The following CCSER2 variants were observed in gnomAD, a reference collection of about 807,000 sequenced individuals.
CCSER2 encodes coiled-coil serine rich protein 2.
A neutral mutation model predicts 92.3 loss-of-function variants in CCSER2; 46 were observed. The ratio of observed to expected loss-of-function variants is 0.50; its 90% CI spans 0.39 to 0.64. The LOEUF is 0.64. CCSER2 is among the 30% of genes least tolerant of loss of function. The pLI, the probability that CCSER2 is intolerant of heterozygous loss-of-function variation, is 0.00. For missense variants in CCSER2, 1,244 were observed against 1,238.9 expected, an observed-to-expected ratio of 1.00 and a Z score of -0.06; for synonymous variants, 433 against 431.4, an observed-to-expected ratio of 1.00 and a Z score of -0.04.
intron 3 of CCSER2, among the ~76,000 whole-genome samples, chr10:84,406,906 TCTC>T (rs1842406962): frequency 6.6e-6 from 1 of 152,152 alleles, no homozygotes; most frequent in Non-Finnish European, 1.5e-5. Flanking sequence ...AATTTTTTTT[TCTC>T]CTATTACCTG....
intron 3 of CCSER2, among the ~76,000 whole-genome samples, chr10:84,382,868 T>TA (rs1840990274): frequency 6.6e-6 from 1 of 152,248 alleles, no homozygotes; most frequent in Non-Finnish European, 1.5e-5. Flanking sequence ...TCCAAAAACT[T>TA]ACTTGTATGC....
At chr10:84,424,180 ATTACT>A (rs1250896674) in intron 4 of CCSER2, among the ~76,000 whole-genome samples, 4 of 151,666 alleles carry the variant, frequency 2.6e-5, no homozygotes, top group Non-Finnish European at 5.9e-5. Flanking sequence ...TCTCGAGATG[ATTACT>A]TTAAATTTTC....
At chr10:84,387,771 G>T (rs182043164) in intron 3 of CCSER2, among the ~76,000 whole-genome samples, 2 of 152,042 alleles carry the variant, frequency 1.3e-5, no homozygotes, top group Non-Finnish European at 2.9e-5. Context: ...TTCGTGATCC[G>T]CCCACCTCGG....
At chr10:84,455,805 C>A (rs1013002612) in intron 6 of CCSER2, 9 of 1,031,876 alleles carry the variant, frequency 8.7e-6, no homozygotes, top group Non-Finnish European at 1.4e-5. Flanking sequence ...ACAGACTTAT[C>A]TGACTGATCC....
intron 4 of CCSER2, among the ~76,000 whole-genome samples, chr10:84,422,899 G>GA (rs1389675782): frequency 1.3e-5 from 2 of 151,918 alleles, no homozygotes; most frequent in Non-Finnish European, 2.9e-5. Flanking sequence ...ACTAAAAACA[G>GA]AAAAAATTAG....
intron 9 of CCSER2, among the ~76,000 whole-genome samples, chr10:84,503,049 C>T (rs1312070476): frequency 1.3e-5 from 2 of 151,984 alleles, no homozygotes; most frequent in African/African-American, 2.4e-5. Context: ...ACGGTGAAAC[C>T]GCATCTCTAC....
rs34510394 is a variant in CCSER2 at position 84,465,314 on chromosome 10, A to ATT, written c.2148+1326_2148+1327dup. Among the ~76,000 whole-genome samples, 46 of 49,900 alleles carry ATT rather than the reference A, an allele frequency of 9.2e-4. 6 individuals carry two copies. Among genetic ancestry groups the ATT allele is most frequent in the South Asian group, 4.5e-3 (6 of 1,336 alleles). The allele number at this position is 49,900 out of a possible 152,430, so 32.7% of individuals were successfully genotyped here. ...GTGAAAAAGTTTTTTACATGTAAAG[A>ATT]TTTTTTTTTTTTTTTTTTTTTTTTT... On this transcript the variant is annotated intron_variant, in intron 7 of 9. Coordinates refer to ENST00000372088, the MANE Select transcript of CCSER2 (RefSeq NM_001284240.2).
intron 7 of CCSER2, among the ~76,000 whole-genome samples, chr10:84,464,499 T>C (rs752307863): frequency 2.0e-5 from 3 of 152,212 alleles, no homozygotes; most frequent in Non-Finnish European, 4.4e-5. Flanking sequence ...TTTGCAACTA[T>C]TTAAGCACAT....
At chr10:84,457,364 T>TATATTTTAAATATATATTTA (rs1564685404) in intron 6 of CCSER2, among the ~76,000 whole-genome samples, 2 of 77,712 alleles carry the variant, frequency 2.6e-5, no homozygotes, top group Non-Finnish European at 4.8e-5. Flanking sequence ...TATATATTTA[T>TATATTTTAAATATATATTTA]TTTAAATATA....
At chr10:84,360,843 G>A (rs1363495585) in intron 1 of CCSER2, among the ~76,000 whole-genome samples, 2 of 152,222 alleles carry the variant, frequency 1.3e-5, no homozygotes, top group African/African-American at 4.8e-5. Flanking sequence ...CACAAGCACT[G>A]TGGAACCACT....
At chr10:84,388,905 C>G (rs1275448391) in intron 3 of CCSER2, among the ~76,000 whole-genome samples, 1 of 152,150 alleles carries the variant, frequency 6.6e-6, no homozygotes. Flanking sequence ...CTGTGCAGCT[C>G]AGTTCTTAAC....
At chr10:84,494,015 G>A (rs9665657) in intron 9 of CCSER2, among the ~76,000 whole-genome samples, 17,645 of 152,148 alleles carry the variant, frequency 0.12, 2,977 homozygotes, top group African/African-American at 0.37. Flanking sequence ...TAAAGTTCCT[G>A]CTTCTGTGAG....
At chr10:84,337,859 T>C (rs568300638) in intron 1 of CCSER2, among the ~76,000 whole-genome samples, 4 of 152,318 alleles carry the variant, frequency 2.6e-5, no homozygotes, top group African/African-American at 9.6e-5. Context: ...ATCACATTAC[T>C]GAATCCACAT....
chr10:84,469,334 G>A (rs1846639305), intron 7 of CCSER2, among the ~76,000 whole-genome samples: 1 of 152,058 alleles, frequency 6.6e-6, no homozygotes, highest in South Asian at 2.1e-4. Flanking sequence ...AAAAACAAGT[G>A]GAGATTATCT....
rs569256259 is a variant in CCSER2, at chr10:84,510,848, T to C, written c.2326-2601T>C. Among the ~76,000 whole-genome samples, 3 of 152,302 alleles carry C rather than the reference T, an allele frequency of 2.0e-5. No individual in the cohort carries two copies. In the South Asian group the frequency reaches 6.2e-4, roughly 32 times the overall value. ...AACCACTTCCATGTAGTCTTCCACA[T>C]ACCAGGAGCAAGTTGTTTCCTTGTT... On this transcript the variant is annotated intron_variant, in intron 9 of 9. Coordinates refer to ENST00000372088, the MANE Select transcript of CCSER2 (RefSeq NM_001284240.2).
intron 3 of CCSER2, 173 bp downstream of exon 3, chr10:84,373,988 T>C: frequency 7.4e-7 from 1 of 1,354,624 alleles, no homozygotes; most frequent in Admixed American, 2.7e-5. Context: ...AAATAAAGCA[T>C]GGAGAATATA....
At chr10:84,357,573 C>A in intron 1 of CCSER2, among the ~76,000 whole-genome samples, 1 of 151,992 alleles carries the variant, frequency 6.6e-6, no homozygotes, top group African/African-American at 2.4e-5. Flanking sequence ...CCTCAGCCTC[C>A]CGAGTAGCTG....
At position 84,470,381 on chromosome 10, in the gene CCSER2, T is replaced by G; in HGVS notation, c.2158T>G (p.Leu720Val). 2.3e-6 allele frequency: 3 copies of G among 1,325,884 alleles called. No individual in the cohort carries two copies. The highest frequency in any genetic ancestry group is 2.8e-5 in the East Asian group (1 of 36,110). 82.1% of individuals were successfully genotyped at this position (1,325,884 alleles called of 1,614,324 possible). A position where few individuals can be genotyped will look rare whatever the true frequency, so the allele number is the denominator to read the frequency against. The part of the protein sequence containing the change: ...DGDKVYKNED[L>V]LNEIKQLKDE... ...TTTTTTAATATTTCAGAATGAAGAT[T>G]TATTAAATGAAATAAAACAACTTAA... The change falls in exon 8 of 10, where the codon TTA (leucine) becomes GTA (valine). Residue 720 changes from leucine (L) to valine (V), a missense_variant. Transcript: ENST00000372088.
chr10:84,361,514 T>G (rs1845499666), intron 1 of CCSER2, among the ~76,000 whole-genome samples: 1 of 152,226 alleles, frequency 6.6e-6, no homozygotes, highest in Non-Finnish European at 1.5e-5. Flanking sequence ...CACACTATAT[T>G]TATCCTCAAG....
Sources: gnomAD v4.1 joint callset for allele counts (sites outside exome capture counted in the v4.1 genomes callset) on GRCh38, gnomAD v4.1.1 for gene constraint, MANE v1.5 for transcripts, NCBI Gene and HGNC (gene_info 2026-07-23, HGNC 2026-07-21) for gene names.